Variants in CORO2B observed in about 807,000 individuals in gnomAD.
CORO2B encodes the protein coronin-2B.
CORO2B carries 26 observed loss-of-function variants against 58.8 expected under a neutral mutation model. The ratio of observed to expected loss-of-function variants is 0.44; its 90% confidence interval spans 0.32 to 0.61. The LOEUF is 0.61. Ranked by LOEUF, CORO2B falls within the 20% of genes least tolerant of loss-of-function variation. CORO2B has a pLI of 0.04. For missense variants in CORO2B, 460 were observed against 645.1 expected (o/e 0.71, Z 3.11); for synonymous variants, 242 against 253.8 (o/e 0.95, Z 0.44).
the CORO2B span, among the ~76,000 whole-genome samples, chr15:68,545,853 G>T: frequency 6.6e-6 from 1 of 152,206 alleles, no homozygotes; most frequent in Non-Finnish European, 1.5e-5. Context: ...AGCCTCAAAG[G>T]TGTGGCTTTG....
At chr15:68,665,951 A>G (rs1902176703) in intron 2 of CORO2B, among the ~76,000 whole-genome samples, 1 of 152,140 alleles carries the variant, frequency 6.6e-6, no homozygotes, top group Non-Finnish European at 1.5e-5. Flanking sequence ...GGCAGGTCCT[A>G]CAGGAAAATG....
chr15:68,636,134 T>C (rs1901025147), intron 1 of CORO2B, among the ~76,000 whole-genome samples: 1 of 152,182 alleles, frequency 6.6e-6, no homozygotes, highest in Non-Finnish European at 1.5e-5. Flanking sequence ...CAGGATATAA[T>C]GAATGTAGAA....
rs1435807579 is a variant in CORO2B at position 68,710,459 on chromosome 15, C to A, written c.334-273C>A. 1.3e-5 allele frequency among the ~76,000 whole-genome samples: 2 copies of A among 152,238 alleles called. No homozygotes were observed. The highest frequency in any genetic ancestry group is 4.8e-5 in the African/African-American group (2 of 41,460). On this transcript the variant is annotated intron_variant, in intron 3 of 11. Coordinates refer to ENST00000261861, the MANE Select transcript of CORO2B (RefSeq NM_006091.5). The surrounding 1 kb of genome is among the most constrained non-coding windows in gnomAD (Gnocchi z 4.1). ...TGTTCTTCTTATCCGGGCTAGGCCA[C>A]AGCAGTAGCAACATGCCAGTAATAA...
In CORO2B at chr15:68,597,441, T is replaced by G. The variant is rs1353027614; in HGVS notation, c.15+18164T>G. Among the ~76,000 whole-genome samples, 3 of 152,116 alleles carry G rather than the reference T, an allele frequency of 2.0e-5. No homozygotes were observed. In the East Asian group the frequency reaches 5.8e-4, roughly 29 times the overall value. ...AGATGGCTTCTACTGTTATGCCCATTCTGTGAAACTGAGGCTCCAAGGGGT... is the reference window on the plus strand; with the variant it reads ...AGATGGCTTCTACTGTTATGCCCATGCTGTGAAACTGAGGCTCCAAGGGGT... On this transcript the variant is annotated intron_variant, in intron 1 of 11. Coordinates refer to ENST00000261861, the MANE Select transcript of CORO2B (RefSeq NM_006091.5).
intron 1 of CORO2B, among the ~76,000 whole-genome samples, chr15:68,638,236 T>G (rs1901098143): frequency 7.3e-6 from 1 of 137,904 alleles, no homozygotes; most frequent in Non-Finnish European, 1.6e-5. Context: ...CTCCTCCTCC[T>G]GGCAAAGCCT....
At chr15:68,644,242 T>G (rs1435573116) in intron 1 of CORO2B, among the ~76,000 whole-genome samples, 1 of 152,202 alleles carries the variant, frequency 6.6e-6, no homozygotes, top group Non-Finnish European at 1.5e-5. Flanking sequence ...CAATCCAGAT[T>G]GCTTTAATCA....
rs1596044697 is a variant in CORO2B, at chr15:68,726,456, A to C, written c.*482A>C. The C allele has an allele frequency of 1.2e-5, 2 of 165,842 alleles. No individual in the cohort carries two copies. Among genetic ancestry groups the C allele is most frequent in the Non-Finnish European group, 2.6e-5 (2 of 77,084 alleles). 10.3% of individuals were successfully genotyped at this position (165,842 alleles called of 1,614,324 possible). On this transcript the variant is annotated 3_prime_UTR_variant, in exon 12 of 12. Coordinates refer to ENST00000261861, the MANE Select transcript of CORO2B (RefSeq NM_006091.5). ...GCTGCAGTGATCCCTCTTTCGTCCC[A>C]CCCCCTCTTCCCTCAGCAGCCCCGG...
chr15:68,659,554 A>T (rs1022408438), intron 2 of CORO2B, among the ~76,000 whole-genome samples: 54 of 152,148 alleles, frequency 3.5e-4, no homozygotes, highest in Non-Finnish European at 6.9e-4. Context: ...CTCTAAAAAA[A>T]TTTTTTTGAT....
chr15:68,609,455 C>T (rs1900196840), intron 1 of CORO2B, among the ~76,000 whole-genome samples: 1 of 152,144 alleles, frequency 6.6e-6, no homozygotes, highest in Admixed American at 6.5e-5. Context: ...TTGTGGTCCA[C>T]ATCAAGCATC....
At chr15:68,538,054 A>G in the CORO2B span, among the ~76,000 whole-genome samples, 144,460 of 152,328 alleles carry the variant, frequency 0.95, 68,591 homozygotes, top group East Asian at 1. Flanking sequence ...AAAGTCACAC[A>G]TTTACTTACG....
chr15:68,620,684 C>G (rs1370675976), intron 1 of CORO2B, among the ~76,000 whole-genome samples: 2 of 152,148 alleles, frequency 1.3e-5, no homozygotes, highest in African/African-American at 4.8e-5. Context: ...TGAGTCTTAT[C>G]AAGCAGCTAT....
chr15:68,639,487 T>TA (rs1226895104), intron 1 of CORO2B, among the ~76,000 whole-genome samples: 1 of 151,870 alleles, frequency 6.6e-6, no homozygotes. Flanking sequence ...CCAACTGGGG[T>TA]AGGGGAATAT....
chr15:68,667,305 G>A (rs909023493), intron 2 of CORO2B, among the ~76,000 whole-genome samples: 6 of 152,124 alleles, frequency 3.9e-5, no homozygotes, highest in African/African-American at 1.4e-4. Context: ...AAGCCACCTG[G>A]AGCCATCCTG....
intron 2 of CORO2B, among the ~76,000 whole-genome samples, chr15:68,680,940 G>A (rs895877265): frequency 1.3e-5 from 2 of 152,214 alleles, no homozygotes; most frequent in Non-Finnish European, 2.9e-5. Flanking sequence ...GGGGCCGGGC[G>A]CGGTGGCTCA....
rs539937178 is a variant in CORO2B at position 68,612,679 on chromosome 15, C to G, written c.16-32481C>G. Among the ~76,000 whole-genome samples, 7 of 152,342 alleles carry G rather than the reference C, an allele frequency of 4.6e-5. No homozygotes were observed. In the East Asian group the frequency reaches 1.3e-3, roughly 29 times the overall value. ...TCACACCTTGGTCTGCTGATGATAA[C>G]TTGCTCTCTAACTGACCATGAGCTC... On this transcript the variant is annotated intron_variant, in intron 1 of 11. Transcript: ENST00000261861.
In CORO2B at chr15:68,585,105, C is replaced by T. The variant is rs916508195; in HGVS notation, c.15+5828C>T. ...AATTAATTAATGTAGCAATGGGAGG[C>T]TCCCAGGTTTGCTCAGGCTGTCTTT... is the stretch of plus-strand genomic sequence containing the variant. On this transcript the variant is annotated intron_variant, in intron 1 of 11. Transcript: ENST00000261861. 1.2e-4 allele frequency among the ~76,000 whole-genome samples: 18 copies of T among 152,188 alleles called. 2 individuals are homozygous for T. The highest frequency in any genetic ancestry group is 1.1e-3 in the Admixed American group (17 of 15,276).
chr15:68,629,394 G>A (rs754117853), intron 1 of CORO2B, among the ~76,000 whole-genome samples: 5 of 152,184 alleles, frequency 3.3e-5, no homozygotes, highest in South Asian at 2.1e-4. Context: ...AGGAAGAGGC[G>A]CCTTTCTCTA....
At chr15:68,520,425 C>T in the CORO2B span, among the ~76,000 whole-genome samples, 4 of 152,132 alleles carry the variant, frequency 2.6e-5, no homozygotes, top group East Asian at 3.9e-4. Flanking sequence ...ATTTTTGCTC[C>T]GTGTAATTTG....
the CORO2B span, among the ~76,000 whole-genome samples, chr15:68,559,307 G>A: frequency 6.6e-6 from 1 of 152,128 alleles, no homozygotes; most frequent in Non-Finnish European, 1.5e-5. This position sits in a 1 kb window ranked among gnomAD's most constrained non-coding sequence, Gnocchi z 4.3. Context: ...CTGGCAGGAA[G>A]AGAGACAGCC....
Sources: gnomAD v4.1 joint callset for allele counts (sites outside exome capture counted in the v4.1 genomes callset) on GRCh38, gnomAD v4.1.1 for gene constraint, Gnocchi (gnomAD v3.1) non-coding constraint, MANE v1.5 for transcripts, NCBI Gene and HGNC (gene_info 2026-07-23, HGNC 2026-07-21) for gene names.